Variants in HAAO observed in about 807,000 individuals in gnomAD.
HAAO encodes 3-hydroxyanthranilate 3,4-dioxygenase, also known as 3-hydroxyanthranilate oxygenase.
HAAO carries 49 observed loss-of-function variants against 46.2 expected under a neutral mutation model. That is an observed-to-expected ratio of 1.06 (90% CI 0.84 to 1.34). HAAO has a LOEUF of 1.34. HAAO is among the 40% of genes most tolerant of loss of function. The pLI is 0.00. For synonymous variants in HAAO, 157 were observed against 145.2 expected (o/e 1.08, Z -0.58); for missense variants, 408 against 364.5 (o/e 1.12, Z -0.97).
chr2:42,778,830 G>A (rs55948338), intron 4 of HAAO, among the ~76,000 whole-genome samples: 28,712 of 152,134 alleles, frequency 0.19, 3,063 homozygotes, highest in Non-Finnish European at 0.25. Context: ...TCAGTTTCTC[G>A]CTGGGTGTGG....
chr2:42,771,654 G>C (rs1034805997), intron 4 of HAAO, among the ~76,000 whole-genome samples: 1 of 152,186 alleles, frequency 6.6e-6, no homozygotes, highest in Admixed American at 6.5e-5. Context: ...CTCCTCCCCC[G>C]GCCTGAGGAG....
intron 4 of HAAO, among the ~76,000 whole-genome samples, chr2:42,771,193 A>T (rs1452732101): frequency 6.6e-6 from 1 of 151,492 alleles, no homozygotes; most frequent in African/African-American, 2.4e-5. Flanking sequence ...CCTGGCCAAC[A>T]TGGTGAAACC....
intron 4 of HAAO, among the ~76,000 whole-genome samples, chr2:42,772,933 CAA>C (rs530541628): frequency 0.38 from 34,806 of 91,938 alleles, 4,225 homozygotes; most frequent in Middle Eastern, 0.49. Flanking sequence ...GCCCCCATAT[CAA>C]AAAAAAAAAA....
chr2:42,771,275 A>G (rs890155552), intron 4 of HAAO, among the ~76,000 whole-genome samples: 1 of 152,092 alleles, frequency 6.6e-6, no homozygotes, highest in Middle Eastern at 3.4e-3. Context: ...AAGATAGAAA[A>G]AAAATAGCCA....
At chr2:42,784,890 C>T (rs1449375663) in intron 2 of HAAO, among the ~76,000 whole-genome samples, 2 of 152,194 alleles carry the variant, frequency 1.3e-5, no homozygotes, top group Non-Finnish European at 2.9e-5. Context: ...ATGCAGGACC[C>T]TTAGTGCTAA....
At chr2:42,780,458 G>A (rs1259122963) in intron 4 of HAAO, among the ~76,000 whole-genome samples, 5 of 151,436 alleles carry the variant, frequency 3.3e-5, no homozygotes, top group African/African-American at 4.8e-5. Context: ...CACCCGCCTC[G>A]GCTTCCCAAA....
chr2:42,783,136 T>C, intron 4 of HAAO, 178 bp downstream of exon 4: 1 of 594,700 alleles, frequency 1.7e-6, no homozygotes, highest in Non-Finnish European at 3.0e-6. Flanking sequence ...ACTCTACCCC[T>C]CCACCATCAG....
intron 4 of HAAO, among the ~76,000 whole-genome samples, chr2:42,770,799 G>C (rs1053149228): frequency 6.6e-6 from 1 of 152,090 alleles, no homozygotes; most frequent in African/African-American, 2.4e-5. Flanking sequence ...AATTCACACG[G>C]CTCTCTCCGG....
At chr2:42,787,297 A>G (rs893263146) in intron 2 of HAAO, among the ~76,000 whole-genome samples, 13 of 152,132 alleles carry the variant, frequency 8.5e-5, no homozygotes, top group African/African-American at 3.1e-4. Flanking sequence ...GGAAGCAAAG[A>G]CAGAGGGAGA....
intron 4 of HAAO, 61 bp downstream of exon 4, chr2:42,783,253 T>C (rs1452844272): frequency 3.0e-6 from 3 of 997,494 alleles, no homozygotes; most frequent in South Asian, 1.4e-5. Flanking sequence ...AGCTGCAGTT[T>C]GGAGCTGTGC....
chr2:42,790,748 T>C (rs1172571913), intron 1 of HAAO, among the ~76,000 whole-genome samples: 1 of 152,130 alleles, frequency 6.6e-6, no homozygotes, highest in African/African-American at 2.4e-5. Flanking sequence ...GCCAGTCTGG[T>C]CTTGAACTCC....
chr2:42,792,160 T>C (rs926712308), intron 1 of HAAO, among the ~76,000 whole-genome samples: 33 of 152,034 alleles, frequency 2.2e-4, no homozygotes, highest in Non-Finnish European at 8.8e-5. Context: ...TCACTTGGGG[T>C]TGGAGAATTG....
rs376426440 is a variant in HAAO at position 42,788,378 on chromosome 2, G to T, written c.159+151C>A. ...AGCTTGGAGGCAGCAGTCGTGCCCT[G>T]TGATTTCAGCTGTGCCCCCTCCACT... On this transcript the variant is annotated intron_variant, in intron 2 of 9. Coordinates refer to ENST00000294973, the MANE Select transcript of HAAO (RefSeq NM_012205.3). The T allele has an allele frequency of 2.3e-5, 15 of 651,986 alleles. No homozygotes were observed. In the South Asian group the frequency reaches 2.4e-4, roughly 10 times the overall value. The allele number at this position is 651,986 out of a possible 1,614,324, so 40.4% of individuals were successfully genotyped here.
chr2:42,783,254 G>A, intron 4 of HAAO, 60 bp downstream of exon 4: 2 of 1,003,200 alleles, frequency 2.0e-6, no homozygotes, highest in Non-Finnish European at 3.1e-6. Flanking sequence ...GCTGCAGTTT[G>A]GAGCTGTGCT....
In HAAO at chr2:42,783,360, GC is replaced by G; in HGVS notation, c.303del (p.Leu102TrpfsTer12). The G allele has an allele frequency of 6.2e-7, 1 of 1,613,390 alleles. No homozygotes were observed. Among genetic ancestry groups the G allele is most frequent in the Non-Finnish European group, 8.5e-7 (1 of 1,179,642 alleles). ...TCCAGCCGCCTTCGCTCAACCACCA[GC>G]CCCACGGTGTTGGCAAACCTCTGTG... ...HSPQRFANTV[G>X]LVVERRRLET... On this transcript the variant is annotated frameshift_variant, in exon 4 of 10. Coordinates refer to ENST00000294973, the MANE Select transcript of HAAO (RefSeq NM_012205.3). LOFTEE classifies it high-confidence loss of function.
chr2:42,787,784 C>T (rs1414717834), intron 2 of HAAO, among the ~76,000 whole-genome samples: 1 of 152,176 alleles, frequency 6.6e-6, no homozygotes, highest in Non-Finnish European at 1.5e-5. Context: ...CTCTACTGAT[C>T]CTTTTCCACC....
In HAAO at chr2:42,769,860, T is replaced by C. The variant is rs756758190; in HGVS notation, c.485-2A>G. On this transcript the variant is annotated splice_acceptor_variant, in intron 6 of 9. Coordinates refer to ENST00000294973, the MANE Select transcript of HAAO (RefSeq NM_012205.3). LOFTEE classifies it high-confidence loss of function. ...ATGGTGGCTCCTTGAGCAGCTGGTC[T>C]GCACCCACAGCATGACTATAGTCGG... The C allele has an allele frequency of 5.0e-6, 8 of 1,607,302 alleles. No individual in the cohort carries two copies. Among genetic ancestry groups the C allele is most frequent in the Non-Finnish European group, 6.8e-6 (8 of 1,176,758 alleles).
In HAAO at chr2:42,770,510, C is replaced by G. The variant is rs1159385358; in HGVS notation, c.423G>C (p.Leu141Phe). Residue 141 changes from leucine (L) to phenylalanine (F), a missense_variant, in exon 5 of 10, where the codon TTG becomes TTC. Physicochemically the swap from Leu to Phe is conservative, Grantham distance 22. Coordinates refer to ENST00000294973, the MANE Select transcript of HAAO (RefSeq NM_012205.3). ...GGGCTCACTCCTGGATGATGGGGGC[C>G]AACTGCGTGCCGAGGTCCTTGCAGT... is the stretch of plus-strand genomic sequence containing the variant. ...WFYCKDLGTQLAPIIQEFFSS... is the reference protein window; with the variant it reads ...WFYCKDLGTQFAPIIQEFFSS... The G allele has an allele frequency of 1.9e-6, 3 of 1,551,562 alleles. No individual in the cohort carries two copies. Among genetic ancestry groups the G allele is most frequent in the Non-Finnish European group, 1.7e-6 (2 of 1,146,918 alleles).
At chr2:42,789,370 C>T (rs1403143643) in intron 1 of HAAO, among the ~76,000 whole-genome samples, 1 of 152,046 alleles carries the variant, frequency 6.6e-6, no homozygotes, top group Non-Finnish European at 1.5e-5. Context: ...TGCTTGAGGC[C>T]ACTAGCCTGG....
Sources: allele counts gnomAD v4.1 joint callset (sites outside exome capture counted in the v4.1 genomes callset), GRCh38; gene constraint gnomAD v4.1.1; transcripts MANE v1.5; gene names NCBI Gene and HGNC (gene_info 2026-07-23, HGNC 2026-07-21).